The following LRRC7 variants were observed in gnomAD, a reference collection of about 807,000 sequenced individuals.
LRRC7 encodes the protein leucine rich repeat containing 7.
In LRRC7, 23 loss-of-function variants were observed where a neutral mutation model predicts 175.7. That is an observed-to-expected ratio of 0.13 (90% CI 0.09 to 0.19). The LOEUF (loss-of-function observed/expected upper bound fraction) is 0.19, where lower values mean the gene tolerates loss of function less well. LRRC7 is among the 10% of genes least tolerant of loss of function. The pLI is 1.00. For missense variants in LRRC7, 1,354 were observed against 1,904.7 expected (o/e 0.71, Z 5.38); for synonymous variants, 685 against 680.9 (o/e 1.01, Z -0.09).
intron 24 of LRRC7, among the ~76,000 whole-genome samples, chr1:70,082,937 A>G (rs1663332899): frequency 6.6e-6 from 1 of 151,344 alleles, no homozygotes; most frequent in Non-Finnish European, 1.5e-5. Flanking sequence ...AGCATGCTCC[A>G]CCACACCCAG....
chr1:69,609,867 G>A (rs1648419344), intron 1 of LRRC7, among the ~76,000 whole-genome samples: 1 of 151,830 alleles, frequency 6.6e-6, no homozygotes, highest in Admixed American at 6.6e-5. Context: ...CATACAACCG[G>A]CATTTTATAA....
At chr1:70,012,820 T>C (rs535278578) in intron 12 of LRRC7, among the ~76,000 whole-genome samples, 154 bp from the exon 13 acceptor site, 3 of 151,148 alleles carry the variant, frequency 2.0e-5, no homozygotes, top group African/African-American at 4.8e-5. Flanking sequence ...AATATACCTA[T>C]ATTTTAAAGA....
chr1:69,718,142 G>GAAAGAAAGAGAAAGAAAGAAAGAA (rs1553146139), intron 2 of LRRC7, among the ~76,000 whole-genome samples: 3 of 73,716 alleles, frequency 4.1e-5, no homozygotes, highest in African/African-American at 2.4e-4. Flanking sequence ...AAGAAAGAGA[G>GAAAGAAAGAGAAAGAAAGAAAGAA]AGAAAGAAAG....
At chr1:69,948,847 G>A (rs1649617261) in intron 8 of LRRC7, among the ~76,000 whole-genome samples, 1 of 152,244 alleles carries the variant, frequency 6.6e-6, no homozygotes, top group African/African-American at 2.4e-5. Flanking sequence ...CAGACTTTCA[G>A]TGCTGTTTCG....
At chr1:69,710,976 G>A (rs1664685629) in intron 2 of LRRC7, among the ~76,000 whole-genome samples, 1 of 152,026 alleles carries the variant, frequency 6.6e-6, no homozygotes. Context: ...GACTCCTAGG[G>A]CTTACTGCAA....
intron 3 of LRRC7, among the ~76,000 whole-genome samples, chr1:69,775,947 A>T (rs1426631408): frequency 6.6e-6 from 1 of 152,178 alleles, no homozygotes; most frequent in African/African-American, 2.4e-5. Flanking sequence ...GCTCACCCTT[A>T]TTGCCTCCTA....
intron 2 of LRRC7, among the ~76,000 whole-genome samples, chr1:69,711,001 C>T (rs926695086): frequency 1.3e-5 from 2 of 152,112 alleles, no homozygotes; most frequent in African/African-American, 2.4e-5. Context: ...GTTCTTTGCT[C>T]CACCCAGATC....
intron 11 of LRRC7, among the ~76,000 whole-genome samples, chr1:69,999,035 C>A (rs1319195597): frequency 1.3e-5 from 2 of 152,334 alleles, no homozygotes; most frequent in African/African-American, 4.8e-5. Context: ...TGTCTCCTCC[C>A]CAGCAGCCAA....
intron 10 of LRRC7, among the ~76,000 whole-genome samples, chr1:69,992,775 G>A (rs1261479339): frequency 1.3e-5 from 2 of 152,156 alleles, no homozygotes; most frequent in Admixed American, 1.3e-4. Flanking sequence ...CACTACTCCA[G>A]TCTTCAGGAT....
chr1:69,884,632 G>A (rs977317967), intron 7 of LRRC7, among the ~76,000 whole-genome samples: 5 of 137,912 alleles, frequency 3.6e-5, no homozygotes, highest in African/African-American at 1.5e-4. Context: ...AATTGCCCTG[G>A]CCAGAACTTC....
Position 69,674,887 on chromosome 1 carries a change from T to A in LRRC7, c.3-3494T>A, listed in dbSNP as rs183231339. Among the ~76,000 whole-genome samples the A allele has an allele frequency of 3.3e-5, 5 of 152,326 alleles. No homozygotes were observed. The East Asian group carries it at 9.6e-4, about 29-fold the overall frequency. ...ATGGAACATTTAAAATATTAGTATA[T>A]GATCACATTTTTATTTGTGATAATC... On this transcript the variant is annotated intron_variant, in intron 1 of 26. Transcript: ENST00000651989.
chr1:69,627,487 T>G (rs1246479970), intron 1 of LRRC7, among the ~76,000 whole-genome samples: 1 of 152,216 alleles, frequency 6.6e-6, no homozygotes, highest in Admixed American at 6.5e-5. Flanking sequence ...CTTTGTCAGA[T>G]GGGTAGATTG....
At chr1:69,674,062 T>A (rs931440876) in intron 1 of LRRC7, among the ~76,000 whole-genome samples, 3 of 152,106 alleles carry the variant, frequency 2.0e-5, no homozygotes, top group Non-Finnish European at 4.4e-5. Flanking sequence ...GGCTGGAGTG[T>A]AGTGGCATGA....
chr1:69,966,947 C>T (rs1651725752), intron 8 of LRRC7, among the ~76,000 whole-genome samples: 1 of 152,214 alleles, frequency 6.6e-6, no homozygotes, highest in Non-Finnish European at 1.5e-5. Context: ...ATCAAGAAGT[C>T]TCCTGGCCAG....
Position 69,678,822 on chromosome 1 carries a change from A to G in LRRC7, c.100+344A>G, listed in dbSNP as rs140450830. Among the ~76,000 whole-genome samples, 158 of 152,288 alleles carry G rather than the reference A, an allele frequency of 1.0e-3. No individual in the cohort carries two copies. In the East Asian group the frequency reaches 0.029, roughly 28 times the overall value. Reference sequence around the variant, plus strand: ...ACGTCCTGAAGTAAAGAAACTTTTGAAATGTATCTAAAGTCAACACTTTCC... The same window carrying G: ...ACGTCCTGAAGTAAAGAAACTTTTGGAATGTATCTAAAGTCAACACTTTCC... On this transcript the variant is annotated intron_variant, in intron 2 of 26. Transcript: ENST00000651989.
intron 3 of LRRC7, 107 bp from the exon 4 acceptor site, chr1:69,791,936 C>A: frequency 1.5e-6 from 1 of 666,430 alleles, no homozygotes; most frequent in Non-Finnish European, 2.6e-6. Flanking sequence ...TTATAACTGG[C>A]TCTTTTACTA....
At chr1:69,694,865 C>T (rs997958455) in intron 2 of LRRC7, among the ~76,000 whole-genome samples, 1 of 152,092 alleles carries the variant, frequency 6.6e-6, no homozygotes, top group Non-Finnish European at 1.5e-5. Flanking sequence ...GCTTCTTGTA[C>T]AGCCTACAGA....
intron 7 of LRRC7, among the ~76,000 whole-genome samples, chr1:69,912,459 G>T (rs1035541236): frequency 7.2e-5 from 11 of 152,078 alleles, no homozygotes; most frequent in African/African-American, 2.4e-4. Flanking sequence ...ATGAAAATGG[G>T]CATATTAGTA....
intron 8 of LRRC7, among the ~76,000 whole-genome samples, chr1:69,933,925 T>C (rs1647668525): frequency 6.6e-6 from 1 of 152,236 alleles, no homozygotes; most frequent in Non-Finnish European, 1.5e-5. Flanking sequence ...AGTCTCTTTT[T>C]CTATTTTCTT....
Sources: allele counts gnomAD v4.1 joint callset (sites outside exome capture counted in the v4.1 genomes callset), GRCh38; gene constraint gnomAD v4.1.1; transcripts MANE v1.5; gene names NCBI Gene and HGNC (gene_info 2026-07-23, HGNC 2026-07-21).